Variants in AGBL1 observed in about 807,000 individuals in gnomAD.
AGBL1 encodes AGBL carboxypeptidase 1.
AGBL1 carries 130 observed loss-of-function variants against 118.9 expected under a neutral mutation model. The observed-to-expected ratio is 1.09, with a 90% CI of 0.95 to 1.26. The LOEUF (loss-of-function observed/expected upper bound fraction) is 1.26, where lower values mean the gene tolerates loss of function less well. Among genes scored for constraint, AGBL1 ranks in the 50% most tolerant of loss-of-function variants. AGBL1 has a pLI of 0.00. For missense variants in AGBL1, 1,584 were observed against 1,298.1 expected (o/e 1.22, Z -3.38); for synonymous variants, 555 against 478.9 (o/e 1.16, Z -2.08).
rs545097970 is a variant in AGBL1, at chr15:86,392,140, T to C, written c.2375-5226T>C. 1.6e-3 allele frequency among the ~76,000 whole-genome samples: 237 copies of C among 152,282 alleles called. 7 individuals are homozygous for C. In the South Asian group the frequency reaches 0.047, roughly 30 times the overall value. On this transcript the variant is annotated intron_variant, in intron 17 of 22. Coordinates refer to ENST00000614907, the MANE Select transcript of AGBL1 (RefSeq NM_001386094.1). ...ACTTGCAGCTGTCTGTATGTATAGA[T>C]ACCTTTGTATAAATTTTACAGCCAC...
intron 22 of AGBL1, among the ~76,000 whole-genome samples, chr15:86,701,066 G>A (rs2086350226): frequency 6.6e-6 from 1 of 152,150 alleles, no homozygotes; most frequent in South Asian, 2.1e-4. Flanking sequence ...CACATTAACA[G>A]TTTAACTTTG....
At chr15:86,883,350 A>G (rs2079922959) in intron 22 of AGBL1, among the ~76,000 whole-genome samples, 1 of 152,052 alleles carries the variant, frequency 6.6e-6, no homozygotes. Flanking sequence ...AAGTCCCACC[A>G]GAATCCACAC....
Position 86,787,543 on chromosome 15 carries a change from T to A in AGBL1, c.3158+113107T>A, listed in dbSNP as rs188277204. On this transcript the variant is annotated intron_variant, in intron 22 of 22. Transcript: ENST00000614907. ...CAGTATTTTTATCTGGGTCTAGCTT[T>A]TTTCCCTTAGCATGTCGTCTTCCAG... is the stretch of plus-strand genomic sequence containing the variant. 2.0e-5 allele frequency among the ~76,000 whole-genome samples: 3 copies of A among 152,336 alleles called. No individual in the cohort carries two copies. The East Asian group carries it at 5.8e-4, about 29-fold the overall frequency.
chr15:86,548,850 C>T (rs1435098597), intron 20 of AGBL1, among the ~76,000 whole-genome samples: 4 of 152,066 alleles, frequency 2.6e-5, no homozygotes, highest in Non-Finnish European at 4.4e-5. Flanking sequence ...CATGGTTATG[C>T]AGGCTGTTCG....
In AGBL1 at chr15:86,900,159, C is replaced by A. The variant is rs1391461388; in HGVS notation, c.3159-6928C>A. Reference sequence around the variant, plus strand: ...GACTGAAGGCGGCACTGTTGTCTTCCCTACTTTTGAGGTTTTGGGGACTCA... The same window carrying A: ...GACTGAAGGCGGCACTGTTGTCTTCACTACTTTTGAGGTTTTGGGGACTCA... On this transcript the variant is annotated intron_variant, in intron 22 of 22. Coordinates refer to ENST00000614907, the MANE Select transcript of AGBL1 (RefSeq NM_001386094.1). Among the ~76,000 whole-genome samples the A allele has an allele frequency of 2.0e-5, 3 of 152,222 alleles. No homozygotes were observed. The East Asian group carries it at 5.8e-4, about 30-fold the overall frequency.
At chr15:86,638,229 C>T (rs1199813545) in intron 21 of AGBL1, among the ~76,000 whole-genome samples, 1 of 152,174 alleles carries the variant, frequency 6.6e-6, no homozygotes, top group Non-Finnish European at 1.5e-5. Context: ...TGCAATACAA[C>T]AGTTGGTATC....
In AGBL1 at chr15:86,943,253, A is replaced by G. The variant is rs188896563; in HGVS notation, c.3222-44734A>G. Reference sequence around the variant, plus strand: ...CATCACTTTTAAGATTAGCATGATAAGGAAGAAGAAAAATGGCAATTCTAC... The same window carrying G: ...CATCACTTTTAAGATTAGCATGATAGGGAAGAAGAAAAATGGCAATTCTAC... On this transcript the variant is annotated intron_variant, in intron 23 of 24. Coordinates refer to the AGBL1 transcript ENST00000441037. Among the ~76,000 whole-genome samples the G allele has an allele frequency of 4.7e-3, 721 of 152,334 alleles. 10 individuals are homozygous for G. Among genetic ancestry groups the G allele is most frequent in the Non-Finnish European group, 5.6e-3 (381 of 68,034 alleles).
Position 86,258,039 on chromosome 15 carries a change from C to T in AGBL1, c.969+8C>T, listed in dbSNP as rs771254013. On this transcript the variant is annotated splice_region_variant and intron_variant, in intron 9 of 22. Transcript: ENST00000614907. ...GAAGATGGGAAAGTGGAAGTAGGTA[C>T]ACCAGCCCATGCTTCTAATGATGTC... 1 of 1,612,726 alleles carries T rather than the reference C, an allele frequency of 6.2e-7. No homozygotes were observed. Among genetic ancestry groups the T allele is most frequent in the Non-Finnish European group, 8.5e-7 (1 of 1,179,284 alleles).
At chr15:86,131,705 T>C (rs890432929) in intron 1 of AGBL1, among the ~76,000 whole-genome samples, 4 of 151,974 alleles carry the variant, frequency 2.6e-5, no homozygotes, top group African/African-American at 9.7e-5. Flanking sequence ...TCCCAGCACT[T>C]TGGGAGGCTG....
At position 86,631,968 on chromosome 15, in the gene AGBL1, T is replaced by G. The variant is rs566022268; in HGVS notation, c.2995-42305T>G. ...CTTTGAGAGGCCCGAGGCAGAAGGATCTCTTGAAACCAAGAGTTTGAGAGC... is the reference window on the plus strand; with the variant it reads ...CTTTGAGAGGCCCGAGGCAGAAGGAGCTCTTGAAACCAAGAGTTTGAGAGC... On this transcript the variant is annotated intron_variant, in intron 21 of 22. Transcript: ENST00000614907. Among the ~76,000 whole-genome samples the G allele has an allele frequency of 1.5e-4, 22 of 151,534 alleles. 1 individual carries two copies. The South Asian group carries it at 4.6e-3, about 32-fold the overall frequency.
At chr15:86,503,439 T>C (rs955004349) in intron 18 of AGBL1, among the ~76,000 whole-genome samples, 4 of 151,240 alleles carry the variant, frequency 2.6e-5, no homozygotes, top group Non-Finnish European at 4.4e-5. Context: ...GTATTTCTCT[T>C]CTAATCTTTA....
chr15:86,143,760 C>A lies in AGBL1; in HGVS notation c.177C>A (p.Thr59=), dbSNP rs1420957851. 6.2e-7 allele frequency: 1 copy of A among 1,613,922 alleles called. No homozygotes were observed. Among genetic ancestry groups the A allele is most frequent in the Admixed American group, 1.7e-5 (1 of 60,024 alleles). The change falls in exon 3 of 23, where the codon ACC becomes ACA. Residue 59 remains threonine (T), a synonymous_variant. Transcript: ENST00000614907. ...GTGGCAGTGAAGCTCTTCTGCAGAC[C>A]CTGGTAGACACAGCGAGGACAGCTC... ...SKGGSEALLQ[T]LVDTARTAPP... is the part of the protein sequence containing the mutation.
At chr15:86,741,381 CAAAAAAAAAAAAAAAAAAAAAAA>C (rs570193876) in intron 22 of AGBL1, among the ~76,000 whole-genome samples, 560 of 30,534 alleles carry the variant, frequency 0.018, 8 homozygotes, top group Middle Eastern at 0.05. Flanking sequence ...TAAGGCAAAG[CAAAAAAAAAAAAAAAAAAAAAAA>C]AAAAAAAAAA....
At position 86,397,436 on chromosome 15, in the gene AGBL1, G is replaced by A. The variant is rs757846296; in HGVS notation, c.2445G>A (p.Lys815=). 35 of 1,613,116 alleles carry A rather than the reference G, an allele frequency of 2.2e-5. No individual in the cohort carries two copies. In the Middle Eastern group the frequency reaches 5.0e-4, roughly 23 times the overall value. ...AGAGCAATGCCAGTTGGGTGATGAA[G>A]GGTACCTTGGAGTTCCTGGTCAGCA... is the stretch of plus-strand genomic sequence containing the variant. The part of the protein sequence containing the change: ...PGESNASWVM[K]GTLEFLVSSD... Residue 815 remains lysine (K), a synonymous_variant, in exon 18 of 23, where the codon AAG becomes AAA. Transcript: ENST00000614907.
At chr15:86,403,213 T>C (rs1293525715) in intron 18 of AGBL1, among the ~76,000 whole-genome samples, 2 of 152,168 alleles carry the variant, frequency 1.3e-5, no homozygotes, top group African/African-American at 4.8e-5. Context: ...TCTTGGTTGT[T>C]GGGTGGTAGT....
chr15:86,375,833 A>G (rs2081035178), intron 17 of AGBL1, among the ~76,000 whole-genome samples: 1 of 152,214 alleles, frequency 6.6e-6, no homozygotes, highest in Non-Finnish European at 1.5e-5. Context: ...GCCATGGGTG[A>G]AGGAGAAGTG....
At chr15:86,547,612 A>T (rs2083602041) in intron 20 of AGBL1, among the ~76,000 whole-genome samples, 1 of 152,150 alleles carries the variant, frequency 6.6e-6, no homozygotes, top group African/African-American at 2.4e-5. Flanking sequence ...TTAAGGTAAA[A>T]GGCATAACAT....
intron 18 of AGBL1, among the ~76,000 whole-genome samples, chr15:86,474,335 G>A (rs2082522767): frequency 6.6e-6 from 1 of 152,204 alleles, no homozygotes; most frequent in South Asian, 2.1e-4. Context: ...GCTAAGTGAA[G>A]CTGTGACAGA....
chr15:86,418,757 C>T (rs896100620), intron 18 of AGBL1, among the ~76,000 whole-genome samples: 6 of 152,118 alleles, frequency 3.9e-5, no homozygotes, highest in African/African-American at 9.7e-5. Flanking sequence ...AGGCACCTCT[C>T]ATAATTGAGA....
Sources: allele counts gnomAD v4.1 joint callset (sites outside exome capture counted in the v4.1 genomes callset), GRCh38; gene constraint gnomAD v4.1.1; transcripts MANE v1.5; gene names NCBI Gene and HGNC (gene_info 2026-07-23, HGNC 2026-07-21).